SLC14A2: variants seen among roughly 807,000 people sequenced by gnomAD.
The protein encoded by SLC14A2 is solute carrier family 14 member 2, also known as urea transporter 2.
Under a neutral mutation model 104.6 loss-of-function variants are expected in SLC14A2, and 91 were observed. The ratio of observed to expected loss-of-function variants is 0.87; its 90% confidence interval spans 0.73 to 1.04. The LOEUF is 1.04. Ranked by LOEUF, SLC14A2 falls within the 50% of genes least tolerant of loss-of-function variation. The pLI is 0.00. For synonymous variants in SLC14A2, 476 were observed against 466.4 expected (o/e 1.02, Z -0.27); for missense variants, 1,189 against 1,156.0 (o/e 1.03, Z -0.41).
At chr18:45,301,761 G>C (rs1319981484) in intron 1 of SLC14A2, among the ~76,000 whole-genome samples, 1 of 152,200 alleles carries the variant, frequency 6.6e-6, no homozygotes, top group Non-Finnish European at 1.5e-5. Context: ...CAATTGCTCT[G>C]TTGGAATGAT....
At chr18:45,412,045 C>A (rs1404150775) in intron 1 of SLC14A2, among the ~76,000 whole-genome samples, 1 of 152,178 alleles carries the variant, frequency 6.6e-6, no homozygotes, top group African/African-American at 2.4e-5. Context: ...CAGTATCTGT[C>A]TCCCCAAATG....
At chr18:45,466,595 G>C (rs1332901385) in intron 1 of SLC14A2, among the ~76,000 whole-genome samples, 1 of 148,698 alleles carries the variant, frequency 6.7e-6, no homozygotes, top group Non-Finnish European at 1.5e-5. Flanking sequence ...CCAAGGCACA[G>C]AGTCCACAGA....
At chr18:45,598,078 G>C (rs2044739028) in intron 2 of SLC14A2, among the ~76,000 whole-genome samples, 1 of 151,984 alleles carries the variant, frequency 6.6e-6, no homozygotes. Context: ...TCTACAAATG[G>C]GCAACCCACA....
intron 1 of SLC14A2, among the ~76,000 whole-genome samples, chr18:45,444,444 T>C (rs2086730995): frequency 6.6e-6 from 1 of 152,196 alleles, no homozygotes; most frequent in African/African-American, 2.4e-5. Flanking sequence ...TCATGAAGGA[T>C]AATGCTATCC....
chr18:45,577,470 G>C (rs1240077314), intron 2 of SLC14A2, among the ~76,000 whole-genome samples: 1 of 152,146 alleles, frequency 6.6e-6, no homozygotes, highest in East Asian at 1.9e-4. Context: ...CATAATTTGT[G>C]AATCTGTTTT....
intron 1 of SLC14A2, among the ~76,000 whole-genome samples, chr18:45,369,570 G>A (rs955549001): frequency 2.0e-5 from 3 of 152,080 alleles, no homozygotes; most frequent in Non-Finnish European, 2.9e-5. Context: ...TTTGATATAT[G>A]TATATGTTTT....
chr18:45,355,830 C>T (rs966969216), intron 1 of SLC14A2, among the ~76,000 whole-genome samples: 19 of 152,026 alleles, frequency 1.2e-4, no homozygotes, highest in Middle Eastern at 3.2e-3. Context: ...GATTTCTGAG[C>T]GGACAGTCAA....
chr18:45,352,451 C>A (rs941048611), intron 1 of SLC14A2, among the ~76,000 whole-genome samples: 1 of 152,036 alleles, frequency 6.6e-6, no homozygotes, highest in African/African-American at 2.4e-5. Flanking sequence ...AAATTTGATA[C>A]CTTTATTTAT....
chr18:45,247,613 C>A (rs2084379621), intron 1 of SLC14A2, among the ~76,000 whole-genome samples: 1 of 152,048 alleles, frequency 6.6e-6, no homozygotes, highest in Non-Finnish European at 1.5e-5. Context: ...ATCTGTCATG[C>A]TCTAACAGAT....
At chr18:45,284,106 G>A (rs146625813) in intron 1 of SLC14A2, among the ~76,000 whole-genome samples, 87 of 152,314 alleles carry the variant, frequency 5.7e-4, no homozygotes, top group African/African-American at 2.1e-3. Context: ...AAAATTTAAA[G>A]TAGTATATGT....
intron 2 of SLC14A2, among the ~76,000 whole-genome samples, chr18:45,594,801 A>T (rs72906331): frequency 0.08 from 12,198 of 152,238 alleles, 661 homozygotes; most frequent in Non-Finnish European, 0.12. Flanking sequence ...TCTTGTTACC[A>T]AAGTGAGATT....
At chr18:45,478,109 T>C (rs2087419510) in intron 1 of SLC14A2, among the ~76,000 whole-genome samples, 1 of 152,168 alleles carries the variant, frequency 6.6e-6, no homozygotes, top group South Asian at 2.1e-4. Flanking sequence ...AGGGCCCCGG[T>C]GGTGTAGGCA....
intron 1 of SLC14A2, among the ~76,000 whole-genome samples, chr18:45,471,729 T>C (rs758075512): frequency 4.6e-5 from 7 of 152,132 alleles, no homozygotes; most frequent in Admixed American, 1.3e-4. Context: ...TGGTGATGAC[T>C]CTTTTTTTCT....
At chr18:45,526,338 G>A (rs187434336) in intron 2 of SLC14A2, among the ~76,000 whole-genome samples, 230 of 152,192 alleles carry the variant, frequency 1.5e-3, no homozygotes, top group Non-Finnish European at 2.5e-3. Flanking sequence ...CCTTGAGGCT[G>A]CAGCAAAATG....
intron 1 of SLC14A2, among the ~76,000 whole-genome samples, chr18:45,460,200 C>T (rs1334422177): frequency 2.0e-5 from 3 of 152,200 alleles, no homozygotes; most frequent in Non-Finnish European, 4.4e-5. Flanking sequence ...GATGGCTCTA[C>T]CATGGCACCA....
intron 1 of SLC14A2, among the ~76,000 whole-genome samples, chr18:45,359,761 G>T (rs1485329583): frequency 1.3e-5 from 2 of 152,218 alleles, no homozygotes; most frequent in Non-Finnish European, 2.9e-5. Flanking sequence ...CATTATGTCT[G>T]TGCTGCCACC....
At chr18:45,388,937 T>C (rs2085931238) in intron 1 of SLC14A2, among the ~76,000 whole-genome samples, 1 of 152,198 alleles carries the variant, frequency 6.6e-6, no homozygotes, top group African/African-American at 2.4e-5. Context: ...TTTTAAAATA[T>C]TGAATAAATA....
intron 5 of SLC14A2, among the ~76,000 whole-genome samples, chr18:45,634,601 C>A (rs995461839): frequency 1.3e-5 from 2 of 152,106 alleles, no homozygotes; most frequent in African/African-American, 4.8e-5. Context: ...GTGATGTATT[C>A]TAAGAAGAGA....
chr18:45,168,205 T>A, the SLC14A2 span, among the ~76,000 whole-genome samples: 6 of 152,240 alleles, frequency 3.9e-5, no homozygotes, highest in Non-Finnish European at 5.9e-5. Context: ...AATTTTCTCT[T>A]AAGGTAACGT....
Sources: gnomAD v4.1 joint callset for allele counts (sites outside exome capture counted in the v4.1 genomes callset) on GRCh38, gnomAD v4.1.1 for gene constraint, MANE v1.5 for transcripts, NCBI Gene and HGNC (gene_info 2026-07-23, HGNC 2026-07-21) for gene names.